Variants in CIT observed in about 807,000 individuals in gnomAD.
CIT encodes citron rho-interacting serine/threonine kinase.
In CIT, 79 loss-of-function variants were observed where a neutral mutation model predicts 272.7. That is an observed-to-expected ratio of 0.29 (90% CI 0.24 to 0.35). CIT has a LOEUF of 0.35. Ranked by LOEUF, CIT falls within the 10% of genes least tolerant of loss-of-function variation. The pLI is 1.00. For missense variants in CIT, 1,909 were observed against 2,618.3 expected (o/e 0.73, Z 5.91); for synonymous variants, 948 against 995.6 (o/e 0.95, Z 0.90).
intron 40 of CIT, 35 bp from the exon 41 acceptor site, chr12:119,704,490 C>A: frequency 6.3e-7 from 1 of 1,588,244 alleles, no homozygotes; most frequent in Non-Finnish European, 8.6e-7. Flanking sequence ...AAGACTGTCA[C>A]CAGTGTGATA....
chr12:119,690,545 A>G lies in CIT; in HGVS notation c.5883-91T>C. ...ACCTGAGCAACCCCCTCCTTGACCC[A>G]GCCTCACCACTGATTATCAAGAGAT... is the stretch of plus-strand genomic sequence containing the variant. On this transcript the variant is annotated intron_variant, in intron 46 of 47. Transcript: ENST00000392521. This position sits in a 1 kb window ranked among gnomAD's most constrained non-coding sequence, Gnocchi z 6.0. 8.2e-7 allele frequency: 1 copy of G among 1,218,244 alleles called. No individual in the cohort carries two copies. Among genetic ancestry groups the G allele is most frequent in the Non-Finnish European group, 1.1e-6 (1 of 899,172 alleles). The allele number at this position is 1,218,244 out of a possible 1,614,324, so 75.5% of individuals were successfully genotyped here.
In CIT at chr12:119,690,277, T is replaced by C. The variant is rs150770539; in HGVS notation, c.6060A>G (p.Arg2020=). The C allele has an allele frequency of 1.7e-3, 2,630 of 1,579,456 alleles. 73 individuals are homozygous for C. The East Asian group carries it at 0.05, about 30-fold the overall frequency. Residue 2020 remains arginine, a synonymous_variant, in exon 47 of 48, where the codon CGA becomes CGG. Transcript: ENST00000392521. The surrounding 1 kb of genome is among the most constrained non-coding windows in gnomAD (Gnocchi z 6.0). The part of the protein sequence containing the change: ...RDKSPGRPLE[R]EKSPGRMLST... ...TGAGCATCCGGCCGGGGGACTTCTC[T>C]CGCTCCAGGGGGCGGCCAGGAGACT...
intron 37 of CIT, chr12:119,711,002 A>G: frequency 7.3e-7 from 1 of 1,362,022 alleles, no homozygotes; most frequent in Non-Finnish European, 9.8e-7. Flanking sequence ...CAGAAGTGCA[A>G]AGGCGCCGTG....
intron 28 of CIT, among the ~76,000 whole-genome samples, chr12:119,727,033 T>C (rs964977237): frequency 6.6e-6 from 1 of 152,222 alleles, no homozygotes. Context: ...GAAGCTAATT[T>C]GCATGGATGT....
At chr12:119,776,076 C>T (rs986067277) in intron 15 of CIT, among the ~76,000 whole-genome samples, 2 of 152,092 alleles carry the variant, frequency 1.3e-5, no homozygotes, top group African/African-American at 2.4e-5. Flanking sequence ...AAGAGAAAGT[C>T]GCTCAGTCCT....
chr12:119,712,524 T>C lies in CIT; in HGVS notation c.4684+67A>G. ...GAGCCAATCTTCCCTGTACCACCCC[T>C]TCTGTCCCTGCTGATTGGCCAAGCC... On this transcript the variant is annotated intron_variant, in intron 36 of 47. Transcript: ENST00000392521. This position sits in a 1 kb window ranked among gnomAD's most constrained non-coding sequence, Gnocchi z 5.2. The C allele has an allele frequency of 1.3e-6, 2 of 1,486,516 alleles. No homozygotes were observed. Among genetic ancestry groups the C allele is most frequent in the Non-Finnish European group, 1.9e-6 (2 of 1,066,742 alleles). 92.1% of individuals were successfully genotyped at this position (1,486,516 alleles called of 1,614,324 possible).
Position 119,690,094 on chromosome 12 carries a change from C to T in CIT, c.6186+57G>A. 7.1e-7 allele frequency: 1 copy of T among 1,409,348 alleles called. No homozygotes were observed. Among genetic ancestry groups the T allele is most frequent in the South Asian group, 1.7e-5 (1 of 57,586 alleles). 87.3% of individuals were successfully genotyped at this position (1,409,348 alleles called of 1,614,324 possible). A position where few individuals can be genotyped will look rare whatever the true frequency, so the allele number is the denominator to read the frequency against. ...CAGTGGCCCCGTGGGGGCCTCAGTT[C>T]CCCAAGTCACTCCTGGCCTCCGCAA... is the stretch of plus-strand genomic sequence containing the variant. On this transcript the variant is annotated intron_variant, in intron 47 of 47. Coordinates refer to ENST00000392521, the MANE Select transcript of CIT (RefSeq NM_001206999.2). This position sits in a 1 kb window ranked among gnomAD's most constrained non-coding sequence, Gnocchi z 6.0.
chr12:119,862,825 AAAAAAAAAAAAAAAAGAAAAAACC>A (rs1434745688), intron 3 of CIT, among the ~76,000 whole-genome samples: 32 of 135,688 alleles, frequency 2.4e-4, no homozygotes, highest in African/African-American at 9.5e-4. Context: ...AAAAAAAAAA[AAAAAAAAAAAAAAAAGAAAAAACC>A]AAAAAAAAAA....
intron 3 of CIT, among the ~76,000 whole-genome samples, chr12:119,858,749 G>A (rs1011657028): frequency 2.6e-5 from 4 of 151,050 alleles, no homozygotes; most frequent in Admixed American, 6.6e-5. Flanking sequence ...GTGAACCTGG[G>A]AGACAGAGCT....
chr12:119,820,101 G>A (rs1390449148), intron 9 of CIT, among the ~76,000 whole-genome samples: 6 of 152,154 alleles, frequency 3.9e-5, no homozygotes, highest in African/African-American at 9.7e-5. Flanking sequence ...ACTGCAATAT[G>A]GTACCACGGA....
chr12:119,713,324 G>A lies in CIT; in HGVS notation c.4488-30C>T, dbSNP rs147834823. The A allele has an allele frequency of 4.0e-4, 636 of 1,605,296 alleles. 6 individuals carry two copies. In the African/African-American group the frequency reaches 6.9e-3, roughly 17 times the overall value. On this transcript the variant is annotated intron_variant, in intron 34 of 47. Coordinates refer to ENST00000392521, the MANE Select transcript of CIT (RefSeq NM_001206999.2). This position sits in a 1 kb window ranked among gnomAD's most constrained non-coding sequence, Gnocchi z 5.2. ...GGAAAGAAAGATGGAAAAGAAAAAT[G>A]TCTGAACTCAGAAGAAACATCCGGC... is the stretch of plus-strand genomic sequence containing the variant.
chr12:119,719,815 G>A (rs1182238200), intron 30 of CIT, among the ~76,000 whole-genome samples: 1 of 152,210 alleles, frequency 6.6e-6, no homozygotes, highest in Non-Finnish European at 1.5e-5. Flanking sequence ...GCCAAACCTA[G>A]TATGAAGGCT....
chr12:119,790,613 G>A (rs1278634866), intron 10 of CIT, among the ~76,000 whole-genome samples: 2 of 152,306 alleles, frequency 1.3e-5, no homozygotes, highest in East Asian at 3.9e-4. Context: ...GAGAGAGACA[G>A]AGAAGAGAAT....
rs73215386 is a variant in CIT at position 119,785,118 on chromosome 12, T to A, written c.1296-53A>T. On this transcript the variant is annotated intron_variant, in intron 10 of 47. Transcript: ENST00000392521. ...GGGCCTGCAGGTGGGCCTAAGAAGC[T>A]GCATTAGGAAGCTGCAACATTTGTT... 0.015 allele frequency: 23,036 copies of A among 1,571,782 alleles called. 262 individuals are homozygous for A. The highest frequency in any genetic ancestry group is 0.016 in the Non-Finnish European group (18,419 of 1,156,512).
chr12:119,751,380 CA>C (rs5801362), intron 23 of CIT, among the ~76,000 whole-genome samples: 128,408 of 151,638 alleles, frequency 0.85, 54,789 homozygotes, highest in African/African-American at 0.93. Flanking sequence ...AATGGCCCCA[CA>C]AAAAAATCCA....
intron 5 of CIT, among the ~76,000 whole-genome samples, chr12:119,836,790 T>G (rs779610173): frequency 2.6e-4 from 39 of 152,164 alleles, no homozygotes; most frequent in African/African-American, 9.2e-4. Flanking sequence ...ACTGACAAAC[T>G]GAACACAACT....
At chr12:119,741,252 T>A (rs1235371515) in intron 24 of CIT, among the ~76,000 whole-genome samples, 1 of 151,672 alleles carries the variant, frequency 6.6e-6, no homozygotes, top group Non-Finnish European at 1.5e-5. Flanking sequence ...AGAGAGCACA[T>A]CCTCTGTGAT....
chr12:119,817,196 AGTCT>A (rs1262693353), intron 9 of CIT, among the ~76,000 whole-genome samples: 1 of 152,182 alleles, frequency 6.6e-6, no homozygotes, highest in Non-Finnish European at 1.5e-5. Context: ...CACAGCCTAT[AGTCT>A]GTATTTTGCT....
Position 119,777,677 on chromosome 12 carries a change from C to CAA in CIT, c.1666-837_1666-836dup, listed in dbSNP as rs5801364. Among the ~76,000 whole-genome samples the CAA allele has an allele frequency of 4.2e-3, 612 of 147,320 alleles. 5 individuals are homozygous for CAA. Among genetic ancestry groups the CAA allele is most frequent in the African/African-American group, 0.011 (418 of 39,436 alleles). ...AGAGCAAGACTCCGTCTCAAAAAAA[C>CAA]AAAAAAAAACAAAAAAAAACACTTT... On this transcript the variant is annotated intron_variant, in intron 13 of 47. Transcript: ENST00000392521.
Sources: allele counts gnomAD v4.1 joint callset (sites outside exome capture counted in the v4.1 genomes callset), GRCh38; gene constraint gnomAD v4.1.1; non-coding constraint Gnocchi (gnomAD v3.1); transcripts MANE v1.5; gene names NCBI Gene and HGNC (gene_info 2026-07-23, HGNC 2026-07-21).